The following CADPS variants were observed in gnomAD, a reference collection of about 807,000 sequenced individuals.
CADPS encodes calcium dependent secretion activator.
In CADPS, 57 loss-of-function variants were observed where a neutral mutation model predicts 167.3. The ratio of observed to expected loss-of-function variants is 0.34; its 90% CI spans 0.28 to 0.42. The LOEUF (loss-of-function observed/expected upper bound fraction) is 0.42. Ranked by LOEUF, CADPS falls within the 20% of genes least tolerant of loss-of-function variation. CADPS has a pLI of 1.00. For missense variants in CADPS, 1,414 were observed against 1,738.1 expected (o/e 0.81, Z 3.32); for synonymous variants, 676 against 635.3 (o/e 1.06, Z -0.96).
At chr3:62,585,450 G>T in intron 7 of CADPS, 126 bp from the exon 8 acceptor site, 1 of 861,910 alleles carries the variant, frequency 1.2e-6, no homozygotes, top group Non-Finnish European at 1.7e-6. Context: ...CCATACCTGG[G>T]GATAGAAACA....
intron 1 of CADPS, among the ~76,000 whole-genome samples, chr3:62,813,929 T>C (rs1448783243): frequency 2.0e-5 from 3 of 152,134 alleles, no homozygotes; most frequent in Admixed American, 1.3e-4. Flanking sequence ...AAATTTTTAT[T>C]GAACGAACAA....
At chr3:62,735,112 A>T (rs1258847538) in intron 3 of CADPS, among the ~76,000 whole-genome samples, 14 of 152,184 alleles carry the variant, frequency 9.2e-5, no homozygotes, top group Non-Finnish European at 2.1e-4. Flanking sequence ...TAGCAAAAAA[A>T]TACTTATTTC....
intron 1 of CADPS, among the ~76,000 whole-genome samples, chr3:62,852,925 A>T (rs74736662): frequency 1.3e-5 from 2 of 152,220 alleles, no homozygotes; most frequent in Non-Finnish European, 2.9e-5. Flanking sequence ...GTTATTTCCA[A>T]TATTCAATTA....
chr3:62,683,777 C>A (rs944453134), intron 3 of CADPS, among the ~76,000 whole-genome samples: 6 of 151,988 alleles, frequency 3.9e-5, no homozygotes, highest in Admixed American at 1.3e-4. Flanking sequence ...ATGACCTTGA[C>A]AGTTTTGAGT....
intron 3 of CADPS, among the ~76,000 whole-genome samples, chr3:62,701,779 T>C (rs1255805728): frequency 6.6e-6 from 1 of 152,050 alleles, no homozygotes; most frequent in Non-Finnish European, 1.5e-5. Context: ...GAGCCTTCTA[T>C]TCCCTGGAAG....
At chr3:62,800,256 C>T (rs2093681871) in intron 1 of CADPS, among the ~76,000 whole-genome samples, 1 of 152,084 alleles carries the variant, frequency 6.6e-6, no homozygotes, top group Non-Finnish European at 1.5e-5. Context: ...AAATTGTACA[C>T]CCTTCTCAGT....
chr3:62,616,703 C>T (rs2062367135), intron 6 of CADPS, among the ~76,000 whole-genome samples: 1 of 152,076 alleles, frequency 6.6e-6, no homozygotes, highest in Non-Finnish European at 1.5e-5. Flanking sequence ...GTACATATAG[C>T]ATATGGTATA....
intron 3 of CADPS, among the ~76,000 whole-genome samples, chr3:62,739,551 AT>A (rs1005460527): frequency 6.6e-6 from 1 of 152,212 alleles, no homozygotes; most frequent in African/African-American, 2.4e-5. Context: ...TCCTTGTTAA[AT>A]CTTTTTGGCC....
chr3:62,425,300 C>T (rs191428515), intron 28 of CADPS, among the ~76,000 whole-genome samples: 103 of 152,104 alleles, frequency 6.8e-4, no homozygotes, highest in African/African-American at 2.3e-3. Context: ...GTATGTTCAC[C>T]GCCTATCCAT....
intron 3 of CADPS, among the ~76,000 whole-genome samples, chr3:62,721,661 A>T (rs911016904): frequency 6.6e-6 from 1 of 152,212 alleles, no homozygotes; most frequent in African/African-American, 2.4e-5. Context: ...CAAACAAAAC[A>T]TTAACTATTT....
chr3:62,671,419 G>A (rs2075488526), intron 3 of CADPS, among the ~76,000 whole-genome samples: 1 of 152,088 alleles, frequency 6.6e-6, no homozygotes, highest in African/African-American at 2.4e-5. Context: ...GTGTAAGTGT[G>A]GCAGCCAAAA....
intron 24 of CADPS, among the ~76,000 whole-genome samples, chr3:62,470,137 A>G (rs1247272936): frequency 6.6e-6 from 1 of 152,236 alleles, no homozygotes; most frequent in Admixed American, 6.5e-5. Context: ...AATGAAAAAA[A>G]TAAATACTTA....
At chr3:62,726,192 C>A (rs2076710724) in intron 3 of CADPS, among the ~76,000 whole-genome samples, 1 of 151,806 alleles carries the variant, frequency 6.6e-6, no homozygotes, top group Admixed American at 6.5e-5. Context: ...AGCCTCTGGG[C>A]AGTCACTGTC....
At chr3:62,804,828 C>T (rs1045684256) in intron 1 of CADPS, among the ~76,000 whole-genome samples, 1 of 152,020 alleles carries the variant, frequency 6.6e-6, no homozygotes, top group African/African-American at 2.4e-5. Context: ...GACAAAATCA[C>T]ATAGTGTTGA....
chr3:62,726,504 T>C (rs2076773537), intron 3 of CADPS, among the ~76,000 whole-genome samples: 1 of 151,890 alleles, frequency 6.6e-6, no homozygotes, highest in African/African-American at 2.4e-5. Context: ...ATTGAGTATC[T>C]ACCTCCTTCT....
chr3:62,566,174 A>T (rs2080145619), intron 9 of CADPS, among the ~76,000 whole-genome samples: 1 of 152,206 alleles, frequency 6.6e-6, no homozygotes, highest in Admixed American at 6.5e-5. Context: ...ACTGTTTTCC[A>T]GGGAGTTCCC....
At chr3:62,506,187 A>G (rs561542851) in intron 17 of CADPS, among the ~76,000 whole-genome samples, 1 of 152,268 alleles carries the variant, frequency 6.6e-6, no homozygotes, top group South Asian at 2.1e-4. Flanking sequence ...CAGGAGTTCC[A>G]GACCATCCTG....
chr3:62,651,101 T>C (rs754940038), intron 4 of CADPS, 21 bp from the exon 5 acceptor site: 28 of 1,534,492 alleles, frequency 1.8e-5, no homozygotes, highest in Non-Finnish European at 2.5e-5. Context: ...AAAAGAAAAG[T>C]ATGAGCAGAG....
intron 11 of CADPS, among the ~76,000 whole-genome samples, chr3:62,540,977 C>A (rs1369058113): frequency 6.6e-6 from 1 of 152,078 alleles, no homozygotes; most frequent in Non-Finnish European, 1.5e-5. Flanking sequence ...TCTGGGATCA[C>A]TTCCTTTGCC....
Sources: gnomAD v4.1 joint callset for allele counts (sites outside exome capture counted in the v4.1 genomes callset) on GRCh38, gnomAD v4.1.1 for gene constraint, MANE v1.5 for transcripts, NCBI Gene and HGNC (gene_info 2026-07-23, HGNC 2026-07-21) for gene names.